Variants in WWP1 observed in about 807,000 individuals in gnomAD.
WWP1 encodes NEDD4-like E3 ubiquitin-protein ligase WWP1.
In WWP1, 49 loss-of-function variants were observed where a neutral mutation model predicts 130.6. That is an observed-to-expected ratio of 0.38 (90% CI 0.30 to 0.48). The LOEUF is 0.48. WWP1 is among the 20% of genes least tolerant of loss of function. WWP1 has a pLI of 0.99. For synonymous variants in WWP1, 332 were observed against 367.8 expected (o/e 0.90, Z 1.11); for missense variants, 809 against 1,100.6 (o/e 0.74, Z 3.75).
At chr8:86,419,114 T>TA (rs1168038191) in intron 9 of WWP1, among the ~76,000 whole-genome samples, 5 of 152,090 alleles carry the variant, frequency 3.3e-5, no homozygotes, top group Middle Eastern at 6.8e-3. Flanking sequence ...ACCTAGAAAA[T>TA]ACTGTTTTAA....
At position 86,376,867 on chromosome 8, in the gene WWP1, G is replaced by A. The variant is rs144934971; in HGVS notation, c.70+2747G>A. ...TCTTTTCTTCTTGTCTTTGTCTTCC[G>A]TTTTGTTGATCTAATTTTTAAAATA... is the stretch of plus-strand genomic sequence containing the variant. On this transcript the variant is annotated intron_variant, in intron 3 of 24. Coordinates refer to ENST00000517970, the MANE Select transcript of WWP1 (RefSeq NM_007013.4). Among the ~76,000 whole-genome samples, 467 of 152,120 alleles carry A rather than the reference G, an allele frequency of 3.1e-3. 2 individuals are homozygous for A. Among genetic ancestry groups the A allele is most frequent in the African/African-American group, 0.011 (443 of 41,490 alleles).
rs16909647 is a variant in WWP1, at chr8:86,357,014, A to G, written c.-114-11925A>G. ...GAGAACAGAAAATAAAATGGTTTGTATACAAGGATTGCAACTTTATAAAAG... is the reference window on the plus strand; with the variant it reads ...GAGAACAGAAAATAAAATGGTTTGTGTACAAGGATTGCAACTTTATAAAAG... On this transcript the variant is annotated intron_variant, in intron 1 of 24. Transcript: ENST00000517970. Among the ~76,000 whole-genome samples, 1,426 of 152,326 alleles carry G rather than the reference A, an allele frequency of 9.4e-3. 29 individuals are homozygous for G. Among genetic ancestry groups the G allele is most frequent in the East Asian group, 0.071 (369 of 5,174 alleles).
At chr8:86,417,499 G>A (rs1055040251) in intron 9 of WWP1, among the ~76,000 whole-genome samples, 1 of 152,156 alleles carries the variant, frequency 6.6e-6, no homozygotes, top group Non-Finnish European at 1.5e-5. Context: ...GTTTGAGAAA[G>A]ACAAATTCTA....
rs547784877 is a variant in WWP1, at chr8:86,356,010, T to A, written c.-114-12929T>A. ...GCAATTTACTTCAACCTAATTTTTC[T>A]TATCTGTTAATGGGACTAATAATGA... is the stretch of plus-strand genomic sequence containing the variant. On this transcript the variant is annotated intron_variant, in intron 1 of 24. Transcript: ENST00000517970. Among the ~76,000 whole-genome samples, 55 of 152,350 alleles carry A rather than the reference T, an allele frequency of 3.6e-4. No individual in the cohort carries two copies. The South Asian group carries it at 0.011, about 30-fold the overall frequency.
intron 10 of WWP1, 111 bp downstream of exon 10, chr8:86,425,429 C>A (rs887851252): frequency 3.0e-6 from 2 of 668,328 alleles, no homozygotes; most frequent in African/African-American, 3.7e-5. Flanking sequence ...TATTCAATTT[C>A]TTTACATTTC....
intron 16 of WWP1, among the ~76,000 whole-genome samples, chr8:86,436,435 CCTT>C (rs1810292294): frequency 6.6e-6 from 1 of 152,156 alleles, no homozygotes; most frequent in South Asian, 2.1e-4. Flanking sequence ...AGATGGCAGT[CCTT>C]CTCTTCTCCC....
chr8:86,378,914 C>T (rs1296727784), intron 3 of WWP1, among the ~76,000 whole-genome samples: 3 of 152,258 alleles, frequency 2.0e-5, no homozygotes, highest in African/African-American at 7.2e-5. Context: ...TGCCTTCACT[C>T]ACCAATCCTA....
chr8:86,347,687 A>C (rs1822665782), intron 1 of WWP1, among the ~76,000 whole-genome samples: 1 of 152,244 alleles, frequency 6.6e-6, no homozygotes, highest in South Asian at 2.1e-4. Flanking sequence ...CTTATCTGGA[A>C]AAGTACATTG....
rs1187748723 is a variant in WWP1, at chr8:86,431,618, A to G, written c.1476A>G (p.Leu492=). 4 of 1,613,528 alleles carry G rather than the reference A, an allele frequency of 2.5e-6. No individual in the cohort carries two copies. The South Asian group carries it at 3.3e-5, about 13-fold the overall frequency. ...TQWEDPRTQG[L]QNEEPLPEGW... Reference sequence around the variant, plus strand: ...TGATTTTAACTTTATCTTTTAGCTTACAGAATGAAGAACCCCTGCCAGAAG... The same window carrying G: ...TGATTTTAACTTTATCTTTTAGCTTGCAGAATGAAGAACCCCTGCCAGAAG... Residue 492 remains leucine, a synonymous_variant, in exon 14 of 25, where the codon TTA becomes TTG. Coordinates refer to ENST00000517970, the MANE Select transcript of WWP1 (RefSeq NM_007013.4).
chr8:86,415,292 A>G (rs2130589599), intron 9 of WWP1, among the ~76,000 whole-genome samples: 1 of 152,148 alleles, frequency 6.6e-6, no homozygotes, highest in Admixed American at 6.5e-5. Flanking sequence ...TTTCCCCAAC[A>G]TTTTATGTTG....
At chr8:86,396,801 T>C (rs950931053) in intron 5 of WWP1, among the ~76,000 whole-genome samples, 1 of 152,084 alleles carries the variant, frequency 6.6e-6, no homozygotes, top group African/African-American at 2.4e-5. Context: ...CGTCTTGCTA[T>C]GTTGGCCAGG....
chr8:86,403,044 A>G (rs1009086621), intron 8 of WWP1, among the ~76,000 whole-genome samples: 6 of 152,234 alleles, frequency 3.9e-5, no homozygotes, highest in Admixed American at 3.3e-4. Context: ...GGACTCATTT[A>G]TAAGATTCAT....
chr8:86,442,757 C>T lies in WWP1; in HGVS notation c.1977C>T (p.Phe659=), dbSNP rs753522685. Residue 659 remains phenylalanine (F), a synonymous_variant, in exon 18 of 25, where the codon TTC becomes TTT. Coordinates refer to ENST00000517970, the MANE Select transcript of WWP1 (RefSeq NM_007013.4). ...INPDHLSYFC[F]IGRFIAMALF... is the part of the protein sequence containing the mutation. ...CAGACCATCTTTCATACTTCTGTTT[C>T]ATTGGTCGTTTTATTGCCATGGTGA... 1.9e-6 allele frequency: 3 copies of T among 1,607,472 alleles called. No individual in the cohort carries two copies. Among genetic ancestry groups the T allele is most frequent in the South Asian group, 2.2e-5 (2 of 89,038 alleles).
At chr8:86,354,330 A>C (rs1050757878) in intron 1 of WWP1, among the ~76,000 whole-genome samples, 13 of 152,214 alleles carry the variant, frequency 8.5e-5, no homozygotes, top group Admixed American at 7.8e-4. Context: ...AACTGCAGTA[A>C]AGTCTAGGGC....
intron 1 of WWP1, among the ~76,000 whole-genome samples, chr8:86,355,846 T>G (rs1823222856): frequency 6.6e-6 from 1 of 152,230 alleles, no homozygotes; most frequent in Non-Finnish European, 1.5e-5. Flanking sequence ...AGCAAACTTC[T>G]CATTTTAAGG....
Position 86,374,022 on chromosome 8 carries a change from T to A in WWP1, c.-21-8T>A, listed in dbSNP as rs769890976. On this transcript the variant is annotated splice_region_variant and splice_polypyrimidine_tract_variant and intron_variant, in intron 2 of 24. Transcript: ENST00000517970. ...AACACATGAATAAATTCCCCTTTTT[T>A]AAAATAGGTTTTAGCTGAATTTTGG... The A allele has an allele frequency of 7.6e-6, 12 of 1,584,570 alleles. No individual in the cohort carries two copies. In the African/African-American group the frequency reaches 9.6e-5, roughly 13 times the overall value.
At chr8:86,410,930 C>G (rs1030488158) in intron 8 of WWP1, among the ~76,000 whole-genome samples, 1 of 152,066 alleles carries the variant, frequency 6.6e-6, no homozygotes, top group Non-Finnish European at 1.5e-5. Flanking sequence ...TCTATTCACC[C>G]TTACAGTTTT....
intron 18 of WWP1, among the ~76,000 whole-genome samples, chr8:86,447,048 G>A (rs1021121410): frequency 2.6e-5 from 4 of 152,156 alleles, no homozygotes; most frequent in African/African-American, 7.2e-5. Flanking sequence ...AGTCATCTAG[G>A]AAAGTGGGAG....
At chr8:86,439,973 T>C (rs1025872869) in intron 17 of WWP1, among the ~76,000 whole-genome samples, 1 of 152,164 alleles carries the variant, frequency 6.6e-6, no homozygotes, top group Non-Finnish European at 1.5e-5. Context: ...TAATAATATA[T>C]GTGGAATTAT....
Sources: gnomAD v4.1 joint callset for allele counts (sites outside exome capture counted in the v4.1 genomes callset) on GRCh38, gnomAD v4.1.1 for gene constraint, MANE v1.5 for transcripts, NCBI Gene and HGNC (gene_info 2026-07-23, HGNC 2026-07-21) for gene names.